Variants in OMA1 observed in about 807,000 individuals in gnomAD.
OMA1 encodes OMA1 zinc metallopeptidase.
OMA1 carries 38 observed loss-of-function variants against 30.9 expected under a neutral mutation model. That is an observed-to-expected ratio of 1.23 (90% CI 0.95 to 1.61). The LOEUF (loss-of-function observed/expected upper bound fraction) is 1.61, where lower values mean the gene tolerates loss of function less well. Ranked by LOEUF, OMA1 falls within the 40% of genes most tolerant of loss-of-function variation. OMA1 has a pLI of 0.00. For missense variants in OMA1, 461 were observed against 349.2 expected (o/e 1.32, Z -2.55); for synonymous variants, 173 against 121.9 (o/e 1.42, Z -2.76).
In OMA1 at chr1:58,539,094, G is replaced by A. The variant is rs34466938; in HGVS notation, c.201C>T (p.Asn67=). ...QCDRWSFLPG[N]FHFYSTFNNK... The stretch of plus-strand genomic sequence containing the variant: ...TGTTAAAAGTACTATAAAAATGAAA[G>A]TTTCCAGGCAGAAAACTCCACCTGT... The change falls in exon 2 of 9, where the codon AAC becomes AAT. Residue 67 remains asparagine (N), a synonymous_variant. Transcript: ENST00000371226. The A allele has an allele frequency of 1.1e-6, 1 of 872,778 alleles. No individual in the cohort carries two copies. The highest frequency in any genetic ancestry group is 1.7e-5 in the Admixed American group (1 of 59,156). 54.1% of individuals were successfully genotyped at this position (872,778 alleles called of 1,614,324 possible).
At chr1:58,505,648 A>G (rs1645976648) in intron 8 of OMA1, among the ~76,000 whole-genome samples, 2 of 152,312 alleles carry the variant, frequency 1.3e-5, no homozygotes, top group African/African-American at 4.8e-5. Flanking sequence ...CCACTACTAC[A>G]ATTAATATCC....
chr1:58,543,681 G>T (rs908138303), intron 1 of OMA1, among the ~76,000 whole-genome samples: 1 of 152,252 alleles, frequency 6.6e-6, no homozygotes, highest in South Asian at 2.1e-4. Flanking sequence ...TTTAAAAAAT[G>T]ACATGATGAT....
intron 8 of OMA1, 32 bp from the exon 9 acceptor site, chr1:58,481,206 A>G (rs1161959002): frequency 4.3e-6 from 3 of 694,188 alleles, no homozygotes; most frequent in Non-Finnish European, 7.4e-6. Flanking sequence ...AAAAAATACT[A>G]TATATATACA....
At chr1:58,490,875 G>A (rs1444700984) in intron 8 of OMA1, among the ~76,000 whole-genome samples, 1 of 129,704 alleles carries the variant, frequency 7.7e-6, no homozygotes, top group Non-Finnish European at 1.5e-5. Flanking sequence ...GCGCGATCTC[G>A]GCTCACAGCA....
intron 6 of OMA1, among the ~76,000 whole-genome samples, chr1:58,528,351 G>A (rs1459790102): frequency 6.6e-6 from 1 of 152,202 alleles, no homozygotes; most frequent in African/African-American, 2.4e-5. Flanking sequence ...AGTATCATAT[G>A]TAAAATGAAG....
At chr1:58,539,719 C>T (rs7535313) in intron 1 of OMA1, among the ~76,000 whole-genome samples, 4 of 152,020 alleles carry the variant, frequency 2.6e-5, no homozygotes, top group East Asian at 3.9e-4. Flanking sequence ...CTGGACATTA[C>T]GCAATGAAGA....
intron 8 of OMA1, among the ~76,000 whole-genome samples, chr1:58,496,369 A>G (rs1164015199): frequency 6.6e-6 from 1 of 152,184 alleles, no homozygotes; most frequent in East Asian, 1.9e-4. Flanking sequence ...GTTCTTTCAG[A>G]TTCTGTCACT....
At chr1:58,497,923 T>C (rs571712904) in intron 8 of OMA1, among the ~76,000 whole-genome samples, 6 of 152,292 alleles carry the variant, frequency 3.9e-5, no homozygotes, top group Admixed American at 1.3e-4. Context: ...ATCTCCCAGG[T>C]ATACAGGAAG....
intron 8 of OMA1, among the ~76,000 whole-genome samples, chr1:58,485,147 A>T (rs1488789977): frequency 6.7e-6 from 1 of 148,742 alleles, no homozygotes; most frequent in Non-Finnish European, 1.5e-5. Flanking sequence ...ATGCGGGGAC[A>T]GATGTATAAG....
In OMA1 at chr1:58,536,784, G is replaced by A. The variant is rs1443961363; in HGVS notation, c.501-43C>T. On this transcript the variant is annotated intron_variant, in intron 2 of 8. Coordinates refer to ENST00000371226, the MANE Select transcript of OMA1 (RefSeq NM_145243.5). ...ATTCAAAGTTCTGAAAATCATTCCA[G>A]CACATATCACTAAAGCTCAAATGCA... 3.6e-6 allele frequency: 3 copies of A among 842,472 alleles called. No homozygotes were observed. In the South Asian group the frequency reaches 4.2e-5, roughly 12 times the overall value. The allele number at this position is 842,472 out of a possible 1,614,324, so 52.2% of individuals were successfully genotyped here.
At chr1:58,499,916 A>G (rs1461561821) in intron 8 of OMA1, among the ~76,000 whole-genome samples, 2 of 152,196 alleles carry the variant, frequency 1.3e-5, no homozygotes, top group Non-Finnish European at 2.9e-5. Context: ...CATATCAAGT[A>G]AAACATCAAC....
chr1:58,495,968 A>G (rs1645794327), intron 8 of OMA1, among the ~76,000 whole-genome samples: 1 of 152,196 alleles, frequency 6.6e-6, no homozygotes, highest in South Asian at 2.1e-4. Context: ...TAAATATCTA[A>G]GCTTGTCATT....
At chr1:58,516,606 T>C (rs1646161263) in intron 7 of OMA1, among the ~76,000 whole-genome samples, 1 of 152,164 alleles carries the variant, frequency 6.6e-6, no homozygotes, top group Admixed American at 6.5e-5. Context: ...AAATCACTCA[T>C]AGCCAGTAGC....
intron 5 of OMA1, among the ~76,000 whole-genome samples, chr1:58,531,643 A>T (rs1249363571): frequency 6.6e-6 from 1 of 152,148 alleles, no homozygotes; most frequent in Non-Finnish European, 1.5e-5. Context: ...AACATACTTT[A>T]CCTCCTTATA....
At chr1:58,541,955 A>G (rs1357224969) in intron 1 of OMA1, among the ~76,000 whole-genome samples, 1 of 152,156 alleles carries the variant, frequency 6.6e-6, no homozygotes, top group East Asian at 1.9e-4. Context: ...AAAGTTGGGG[A>G]AAAAAATATG....
intron 7 of OMA1, among the ~76,000 whole-genome samples, chr1:58,521,557 A>G (rs866026334): frequency 7.9e-5 from 12 of 152,100 alleles, no homozygotes; most frequent in South Asian, 2.1e-4. Context: ...GACAAAGAGC[A>G]CCAATATTAA....
intron 7 of OMA1, among the ~76,000 whole-genome samples, chr1:58,513,679 C>T (rs1646116412): frequency 6.6e-6 from 1 of 152,102 alleles, no homozygotes; most frequent in Admixed American, 6.6e-5. Context: ...GTTCAAAATA[C>T]TGATTATTTT....
intron 5 of OMA1, among the ~76,000 whole-genome samples, chr1:58,533,116 T>C (rs1209558798): frequency 3.3e-5 from 5 of 152,246 alleles, no homozygotes; most frequent in African/African-American, 1.2e-4. Flanking sequence ...TATTTTTAAA[T>C]GAATAACAAT....
At chr1:58,498,070 A>T (rs1023681425) in intron 8 of OMA1, among the ~76,000 whole-genome samples, 4 of 152,168 alleles carry the variant, frequency 2.6e-5, no homozygotes, top group African/African-American at 9.7e-5. Context: ...TCTGGGCTTT[A>T]TATCAAAATA....
Sources: gnomAD v4.1 joint callset for allele counts (sites outside exome capture counted in the v4.1 genomes callset) on GRCh38, gnomAD v4.1.1 for gene constraint, MANE v1.5 for transcripts, NCBI Gene and HGNC (gene_info 2026-07-23, HGNC 2026-07-21) for gene names.